Variants in ATRNL1 observed in about 807,000 individuals in gnomAD.
ATRNL1 encodes the protein attractin-like protein 1.
In ATRNL1, 95 loss-of-function variants were observed where a neutral mutation model predicts 182.7. The observed-to-expected ratio is 0.52, with a 90% CI of 0.44 to 0.62. The LOEUF is 0.62. Ranked by LOEUF, ATRNL1 falls within the 20% of genes least tolerant of loss-of-function variation. The probability of loss-of-function intolerance (pLI) is 0.00; values close to 1 mark genes in which losing one functional copy is unlikely to be tolerated. For synonymous variants in ATRNL1, 576 were observed against 568.3 expected (o/e 1.01, Z -0.19); for missense variants, 1,471 against 1,679.5 (o/e 0.88, Z 2.17).
chr10:115,814,319 C>T (rs1365309369), intron 27 of ATRNL1, among the ~76,000 whole-genome samples: 2 of 151,688 alleles, frequency 1.3e-5, no homozygotes, highest in African/African-American at 4.8e-5. Context: ...GTTACTTGCC[C>T]CACAAAATAT....
chr10:115,867,240 T>C (rs970547494), intron 28 of ATRNL1, among the ~76,000 whole-genome samples: 1 of 152,234 alleles, frequency 6.6e-6, no homozygotes, highest in Non-Finnish European at 1.5e-5. Flanking sequence ...AACTGTTTTA[T>C]ACAATTAAAT....
intron 9 of ATRNL1, among the ~76,000 whole-genome samples, chr10:115,232,366 CT>C (rs1469778300): frequency 6.6e-6 from 1 of 152,074 alleles, no homozygotes; most frequent in Non-Finnish European, 1.5e-5. Flanking sequence ...GGTATAACAT[CT>C]TTTCATATTT....
intron 25 of ATRNL1, among the ~76,000 whole-genome samples, chr10:115,549,054 C>T (rs1852821321): frequency 6.6e-6 from 1 of 151,778 alleles, no homozygotes; most frequent in South Asian, 2.1e-4. Context: ...TTAATATGTT[C>T]ATATATAAAA....
rs376924508 is a variant in ATRNL1 at position 115,598,552 on chromosome 10, CG to C, written c.3795+49020del. 2.1e-3 allele frequency among the ~76,000 whole-genome samples: 323 copies of C among 151,346 alleles called. 9 individuals carry two copies. The East Asian group carries it at 0.05, about 23-fold the overall frequency. ...CTAATTTTTGCATTTTTAGTAGAGA[CG>C]GGGTTTCACCATGTTGGGCAGGATG... On this transcript the variant is annotated intron_variant, in intron 26 of 28. Transcript: ENST00000355044.
At chr10:115,556,856 G>A (rs1323012291) in intron 26 of ATRNL1, among the ~76,000 whole-genome samples, 1 of 150,374 alleles carries the variant, frequency 6.7e-6, no homozygotes, top group Non-Finnish European at 1.5e-5. Context: ...ATCACCTGTG[G>A]ATCTTTAAAA....
chr10:115,725,941 A>G (rs900844962), intron 26 of ATRNL1, among the ~76,000 whole-genome samples: 1 of 152,176 alleles, frequency 6.6e-6, no homozygotes, highest in African/African-American at 2.4e-5. Flanking sequence ...ATGTATTTTT[A>G]AAATGAATTT....
At chr10:115,726,704 A>T (rs1258453082) in intron 26 of ATRNL1, among the ~76,000 whole-genome samples, 1 of 152,218 alleles carries the variant, frequency 6.6e-6, no homozygotes, top group Non-Finnish European at 1.5e-5. Context: ...AAAATTATAA[A>T]CACTGCCAAT....
intron 26 of ATRNL1, among the ~76,000 whole-genome samples, chr10:115,608,661 T>C (rs1856991843): frequency 6.6e-6 from 1 of 152,042 alleles, no homozygotes; most frequent in African/African-American, 2.4e-5. Context: ...ATATCAAGAA[T>C]ATACATCACT....
At chr10:115,722,809 A>G (rs2134048398) in intron 26 of ATRNL1, among the ~76,000 whole-genome samples, 1 of 152,284 alleles carries the variant, frequency 6.6e-6, no homozygotes, top group South Asian at 2.1e-4. Flanking sequence ...GAGGAACAAT[A>G]TGAAATCTGA....
chr10:115,650,093 G>A (rs1164654249), intron 26 of ATRNL1, among the ~76,000 whole-genome samples: 4 of 152,060 alleles, frequency 2.6e-5, no homozygotes, highest in Non-Finnish European at 2.9e-5. Context: ...GGATCTGAAA[G>A]CTTGTATCAG....
At chr10:115,771,822 G>A (rs911628029) in intron 27 of ATRNL1, among the ~76,000 whole-genome samples, 10 of 152,122 alleles carry the variant, frequency 6.6e-5, no homozygotes, top group African/African-American at 2.2e-4. Context: ...AATCTGAAAT[G>A]TTATCTGAAA....
At chr10:115,558,013 C>A (rs1053075077) in intron 26 of ATRNL1, among the ~76,000 whole-genome samples, 1 of 151,226 alleles carries the variant, frequency 6.6e-6, no homozygotes. Context: ...CCACTGCACT[C>A]CAGCCTGGCG....
intron 27 of ATRNL1, among the ~76,000 whole-genome samples, chr10:115,793,070 C>T (rs1949567864): frequency 6.6e-6 from 1 of 151,902 alleles, no homozygotes; most frequent in African/African-American, 2.4e-5. Context: ...GAGGCTTAAA[C>T]ATTTTTTCAT....
intron 8 of ATRNL1, among the ~76,000 whole-genome samples, chr10:115,212,390 C>T (rs983366123): frequency 1.2e-4 from 18 of 151,450 alleles, no homozygotes; most frequent in African/African-American, 4.4e-4. Context: ...TGCTTATACA[C>T]TGTTGGTGGG....
intron 26 of ATRNL1, among the ~76,000 whole-genome samples, chr10:115,559,454 A>ACATGCG (rs113798365): frequency 1.5e-5 from 2 of 135,306 alleles, no homozygotes; most frequent in African/African-American, 5.5e-5. Flanking sequence ...GCGCGCGCGC[A>ACATGCG]CGCACGCACA....
chr10:115,206,366 GT>G (rs779528399), intron 8 of ATRNL1, among the ~76,000 whole-genome samples: 1 of 151,762 alleles, frequency 6.6e-6, no homozygotes, highest in Non-Finnish European at 1.5e-5. Context: ...ACATCTTTTT[GT>G]TTTGTTTTTT....
At chr10:115,703,457 G>T (rs1340986752) in intron 26 of ATRNL1, among the ~76,000 whole-genome samples, 2 of 151,550 alleles carry the variant, frequency 1.3e-5, no homozygotes, top group Non-Finnish European at 3.0e-5. Flanking sequence ...AGAGAACATT[G>T]TTATAAATAT....
At chr10:115,238,203 A>G (rs1850266854) in intron 9 of ATRNL1, among the ~76,000 whole-genome samples, 1 of 152,144 alleles carries the variant, frequency 6.6e-6, no homozygotes, top group Non-Finnish European at 1.5e-5. Context: ...CTTCTTCAAT[A>G]TTGTGCTGGC....
chr10:115,315,384 T>C, intron 17 of ATRNL1, 134 bp from the exon 18 acceptor site: 2 of 603,510 alleles, frequency 3.3e-6, no homozygotes, highest in Non-Finnish European at 5.6e-6. Context: ...TAAGTATTAT[T>C]GCAAAAATGT....
Sources: allele counts gnomAD v4.1 joint callset (sites outside exome capture counted in the v4.1 genomes callset), GRCh38; gene constraint gnomAD v4.1.1; transcripts MANE v1.5; gene names NCBI Gene and HGNC (gene_info 2026-07-23, HGNC 2026-07-21).